The following ATP2A3 variants were observed in gnomAD, a reference collection of about 807,000 sequenced individuals.
The protein encoded by ATP2A3 is sarcoplasmic/endoplasmic reticulum calcium ATPase 3.
A neutral mutation model predicts 106.8 loss-of-function variants in ATP2A3; 61 were observed. The ratio of observed to expected loss-of-function variants is 0.57; its 90% CI spans 0.46 to 0.71. The LOEUF (loss-of-function observed/expected upper bound fraction) is 0.71, where lower values mean the gene tolerates loss of function less well. Among genes scored for constraint, ATP2A3 ranks in the 30% least tolerant of loss-of-function variants. The pLI is 0.00. For missense variants in ATP2A3, 1,201 were observed against 1,423.5 expected, an observed-to-expected ratio of 0.84 and a Z score of 2.52; for synonymous variants, 611 against 609.3, an observed-to-expected ratio of 1.00 and a Z score of -0.04.
Position 3,924,882 on chromosome 17 carries a change from C to A in ATP2A3, c.*540G>T, listed in dbSNP as rs1597548584. On this transcript the variant is annotated 3_prime_UTR_variant, in exon 21 of 21. Transcript: ENST00000397041. The surrounding 1 kb of genome is among the most constrained non-coding windows in gnomAD (Gnocchi z 6.4). Reference sequence around the variant, plus strand: ...AGAGTGGAGTGGAGGGGGCTGCCCACCCTCGCTGTACACAGCTGGGCCCAG... The same window carrying A: ...AGAGTGGAGTGGAGGGGGCTGCCCAACCTCGCTGTACACAGCTGGGCCCAG... The A allele has an allele frequency of 6.6e-6, 3 of 456,790 alleles. No homozygotes were observed. The East Asian group carries it at 2.1e-4, about 32-fold the overall frequency. 28.3% of individuals were successfully genotyped at this position (456,790 alleles called of 1,614,324 possible).
chr17:3,963,274 G>A (rs1280817596), intron 1 of ATP2A3, among the ~76,000 whole-genome samples: 1 of 152,216 alleles, frequency 6.6e-6, no homozygotes, highest in African/African-American at 2.4e-5. Flanking sequence ...GATGGTGAGG[G>A]TATTTCTCCT....
chr17:3,937,086 G>T, intron 15 of ATP2A3: 1 of 415,646 alleles, frequency 2.4e-6, no homozygotes, highest in Non-Finnish European at 4.5e-6. Flanking sequence ...ATTCGCACAC[G>T]GACACACACA....
chr17:3,954,774 C>T (rs759203463), intron 1 of ATP2A3, among the ~76,000 whole-genome samples: 1 of 152,104 alleles, frequency 6.6e-6, no homozygotes, highest in Non-Finnish European at 1.5e-5. Context: ...GGATTACAGG[C>T]GTGAGCCACC....
chr17:3,945,594 C>T (rs2054068973), intron 8 of ATP2A3, among the ~76,000 whole-genome samples: 5 of 152,230 alleles, frequency 3.3e-5, no homozygotes. Flanking sequence ...GAAACCCACA[C>T]GCCTCTCTGG....
At chr17:3,944,504 G>A in intron 10 of ATP2A3, among the ~76,000 whole-genome samples, 200 bp downstream of exon 10, 1 of 152,102 alleles carries the variant, frequency 6.6e-6, no homozygotes, top group East Asian at 1.9e-4. Flanking sequence ...CACAGACCAA[G>A]AGCCCCAGGG....
chr17:3,942,361 C>T (rs1240046929), intron 12 of ATP2A3, among the ~76,000 whole-genome samples: 1 of 152,210 alleles, frequency 6.6e-6, no homozygotes, highest in Non-Finnish European at 1.5e-5. Flanking sequence ...GCAACGGAGA[C>T]GCTGTAGACA....
chr17:3,931,821 A>G (rs1026217701), intron 17 of ATP2A3, among the ~76,000 whole-genome samples: 3 of 152,212 alleles, frequency 2.0e-5, no homozygotes, highest in African/African-American at 7.2e-5. Flanking sequence ...GCGCCCGGCC[A>G]TGGAGATCTT....
chr17:3,951,640 C>A lies in ATP2A3; in HGVS notation c.265G>T (p.Val89Leu). The change falls in exon 4 of 21, where the codon GTG becomes TTG. Residue 89 changes from valine to leucine, a missense_variant. Around this residue, in one of 2 missense-constraint regions of ATP2A3, gnomAD observed 266 missense variants for 246.8 expected, o/e 1.08. Transcript: ENST00000397041. ...ATCAGCATGATGACCAGGGGCTCCA[C>A]GAAGGCGGTCGTGGTCTCCTCGCCC... Reference protein sequence around the residue: ...EEGEETTTAFVEPLVIMLILV... With the variant: ...EEGEETTTAFLEPLVIMLILV... The A allele has an allele frequency of 6.2e-7, 1 of 1,611,658 alleles. No homozygotes were observed. Among genetic ancestry groups the A allele is most frequent in the South Asian group, 1.1e-5 (1 of 90,580 alleles).
At chr17:3,927,455 G>A in intron 20 of ATP2A3, 1 of 984,500 alleles carries the variant, frequency 1.0e-6, no homozygotes, top group Non-Finnish European at 1.2e-6. Flanking sequence ...TGTGGTCAAG[G>A]ACGGCCCAGA....
intron 1 of ATP2A3, among the ~76,000 whole-genome samples, chr17:3,957,502 C>A (rs1466006225): frequency 1.3e-5 from 2 of 152,230 alleles, no homozygotes; most frequent in African/African-American, 4.8e-5. Flanking sequence ...GAGCCCACAG[C>A]CCAAATCCTC....
Position 3,926,060 on chromosome 17 carries a change from C to G in ATP2A3, c.2981-619G>C, listed in dbSNP as rs1036696186. 6.6e-6 allele frequency among the ~76,000 whole-genome samples: 1 copy of G among 152,048 alleles called. No homozygotes were observed. Among genetic ancestry groups the G allele is most frequent in the Non-Finnish European group, 1.5e-5 (1 of 68,006 alleles). Reference sequence around the variant, plus strand: ...CCACAGCCCAGCCCCCACGCCTCCCCTGACAACTGCTCAGCCACACCTGGG... The same window carrying G: ...CCACAGCCCAGCCCCCACGCCTCCCGTGACAACTGCTCAGCCACACCTGGG... On this transcript the variant is annotated intron_variant, in intron 20 of 20. Coordinates refer to ENST00000397041, the MANE Select transcript of ATP2A3 (RefSeq NM_005173.4). This position sits in a 1 kb window ranked among gnomAD's most constrained non-coding sequence, Gnocchi z 4.6.
Position 3,944,673 on chromosome 17 carries a change from T to C in ATP2A3, c.1287+31A>G, listed in dbSNP as rs565525603. ...GGGTCTGTCCTGGTCGCCTGGATACTAGGGAGGTCATGAAAGGGGGTGAGG... is the reference window on the plus strand; with the variant it reads ...GGGTCTGTCCTGGTCGCCTGGATACCAGGGAGGTCATGAAAGGGGGTGAGG... On this transcript the variant is annotated intron_variant, in intron 10 of 20. Coordinates refer to ENST00000397041, the MANE Select transcript of ATP2A3 (RefSeq NM_005173.4). 2.5e-6 allele frequency: 4 copies of C among 1,603,540 alleles called. No homozygotes were observed. The East Asian group carries it at 8.9e-5, about 36-fold the overall frequency.
chr17:3,958,789 T>TATACACACAC (rs1555566827), intron 1 of ATP2A3, among the ~76,000 whole-genome samples: 10 of 94,934 alleles, frequency 1.1e-4, no homozygotes, highest in African/African-American at 3.7e-4. Flanking sequence ...CACATATATA[T>TATACACACAC]ACACATATAT....
intron 14 of ATP2A3, among the ~76,000 whole-genome samples, chr17:3,938,219 AGG>A (rs1567691062): frequency 6.6e-6 from 1 of 152,184 alleles, no homozygotes; most frequent in Non-Finnish European, 1.5e-5. Context: ...GGATGACCTG[AGG>A]TCAGGAGTTC....
intron 17 of ATP2A3, among the ~76,000 whole-genome samples, chr17:3,931,342 T>C (rs1350243519): frequency 6.6e-6 from 1 of 151,940 alleles, no homozygotes. Context: ...TTCTTACTGC[T>C]CAAAAACCTT....
chr17:3,940,830 CT>C (rs1205245661), intron 14 of ATP2A3, 140 bp downstream of exon 14: 1 of 1,122,614 alleles, frequency 8.9e-7, no homozygotes, highest in Non-Finnish European at 1.3e-6. Context: ...ATTTAAATTT[CT>C]TTTTGTATTT....
In ATP2A3 at chr17:3,930,372, G is replaced by A. The variant is rs1486859115; in HGVS notation, c.2673C>T (p.Phe891=). Residue 891 remains phenylalanine (F), a synonymous_variant, in exon 18 of 21, where the codon TTC becomes TTT. Coordinates refer to ENST00000397041, the MANE Select transcript of ATP2A3 (RefSeq NM_005173.4). This position sits in a 1 kb window ranked among gnomAD's most constrained non-coding sequence, Gnocchi z 5.4. ...PLFAGIDCEV[F]ESRFPTTMAL... ...CCATGGTGGTGGGGAAGCGTGACTC[G>A]AACACCTCACAGTCGATGCCGGCAA... The A allele has an allele frequency of 1.1e-5, 18 of 1,613,704 alleles. No individual in the cohort carries two copies. In the African/African-American group the frequency reaches 1.2e-4, roughly 11 times the overall value.
chr17:3,951,203 ATAAAT>A (rs1205685885), intron 5 of ATP2A3, 43 bp downstream of exon 5: 2 of 1,230,718 alleles, frequency 1.6e-6, no homozygotes, highest in South Asian at 5.9e-5. Context: ...AATAAAATAA[ATAAAT>A]AAATAAAATA....
At chr17:3,927,108 C>A in intron 20 of ATP2A3, 1 of 985,442 alleles carries the variant, frequency 1.0e-6, no homozygotes, top group African/African-American at 1.7e-5. Context: ...ACTGCTTTAA[C>A]CTCAAAGCCT....
Sources: gnomAD v4.1 joint callset for allele counts (sites outside exome capture counted in the v4.1 genomes callset) on GRCh38, gnomAD v4.1.1 for gene constraint, gnomAD v4.1.1 regional missense constraint, Gnocchi (gnomAD v3.1) non-coding constraint, MANE v1.5 for transcripts, NCBI Gene and HGNC (gene_info 2026-07-23, HGNC 2026-07-21) for gene names.